Variants in GULP1 observed in about 807,000 individuals in gnomAD.
GULP1 encodes the protein PTB domain-containing engulfment adapter protein 1.
In GULP1, 19 loss-of-function variants were observed where a neutral mutation model predicts 40.9. That is an observed-to-expected ratio of 0.46 (90% CI 0.32 to 0.68). The LOEUF (loss-of-function observed/expected upper bound fraction) is 0.68, where lower values mean the gene tolerates loss of function less well. Among genes scored for constraint, GULP1 ranks in the 30% least tolerant of loss-of-function variants. The pLI is 0.03. For synonymous variants in GULP1, 119 were observed against 117.6 expected (o/e 1.01, Z -0.08); for missense variants, 312 against 362.2 (o/e 0.86, Z 1.12).
intron 1 of GULP1, among the ~76,000 whole-genome samples, chr2:188,323,156 C>T (rs988218484): frequency 2.0e-5 from 3 of 151,986 alleles, no homozygotes; most frequent in Non-Finnish European, 2.9e-5. Context: ...TCACATTTTG[C>T]CTCTCACCTT....
At chr2:188,427,265 T>G (rs1335784253) in intron 2 of GULP1, among the ~76,000 whole-genome samples, 7 of 152,228 alleles carry the variant, frequency 4.6e-5, no homozygotes, top group Admixed American at 4.6e-4. Context: ...CCTGGTCATC[T>G]GCTGTCTAAG....
chr2:188,503,874 A>G (rs1239318318), intron 4 of GULP1, among the ~76,000 whole-genome samples: 1 of 151,900 alleles, frequency 6.6e-6, no homozygotes, highest in Non-Finnish European at 1.5e-5. Flanking sequence ...TGTACTGAAA[A>G]ACTTTAGTAA....
rs549366592 is a variant in GULP1, at chr2:188,383,100, T to C, written c.-171-663T>C. On this transcript the variant is annotated intron_variant, in intron 1 of 11. Coordinates refer to ENST00000409830, the MANE Select transcript of GULP1 (RefSeq NM_016315.4). ...TTTAGTGTTTTGGCAAAAGATACTATGCTGTGAATTCTGGTACTATTTGAA... is the reference window on the plus strand; with the variant it reads ...TTTAGTGTTTTGGCAAAAGATACTACGCTGTGAATTCTGGTACTATTTGAA... Among the ~76,000 whole-genome samples the C allele has an allele frequency of 1.4e-3, 212 of 152,306 alleles. 2 individuals are homozygous for C. The highest frequency in any genetic ancestry group is 2.4e-3 in the Non-Finnish European group (160 of 68,026).
intron 2 of GULP1, among the ~76,000 whole-genome samples, chr2:188,387,370 A>C (rs1439122514): frequency 6.6e-6 from 1 of 152,218 alleles, no homozygotes; most frequent in African/African-American, 2.4e-5. Context: ...CTTATCAAGC[A>C]CTGTGATTAG....
chr2:188,362,799 C>T (rs1367223186), intron 1 of GULP1, among the ~76,000 whole-genome samples: 2 of 151,854 alleles, frequency 1.3e-5, no homozygotes, highest in Non-Finnish European at 2.9e-5. Context: ...TCATACTGGC[C>T]AAGAGAGTAA....
chr2:188,335,265 G>T (rs2042112841), intron 1 of GULP1, among the ~76,000 whole-genome samples: 1 of 152,092 alleles, frequency 6.6e-6, no homozygotes, highest in South Asian at 2.1e-4. Context: ...TTGGCAGGGG[G>T]GAAGAGACTT....
chr2:188,377,123 G>T (rs1274433854), intron 1 of GULP1, among the ~76,000 whole-genome samples: 1 of 151,236 alleles, frequency 6.6e-6, no homozygotes, highest in Non-Finnish European at 1.5e-5. Flanking sequence ...GGTGAGCCGA[G>T]ATTGCACCAC....
chr2:188,536,684 T>C (rs777832797), intron 6 of GULP1, among the ~76,000 whole-genome samples: 1 of 152,176 alleles, frequency 6.6e-6, no homozygotes, highest in Non-Finnish European at 1.5e-5. Context: ...TGGTTTCATA[T>C]GCAGTTTAGA....
At chr2:188,486,659 T>G (rs1559297158) in intron 4 of GULP1, among the ~76,000 whole-genome samples, 1 of 151,998 alleles carries the variant, frequency 6.6e-6, no homozygotes, top group Non-Finnish European at 1.5e-5. Context: ...CATTTAATAT[T>G]CATAGTGTAA....
chr2:188,308,786 G>A (rs771423893), intron 1 of GULP1, among the ~76,000 whole-genome samples: 1 of 152,150 alleles, frequency 6.6e-6, no homozygotes, highest in Non-Finnish European at 1.5e-5. Context: ...ATTATTCAGA[G>A]ATTATTTGGC....
chr2:188,303,099 G>C (rs996110678), intron 1 of GULP1, among the ~76,000 whole-genome samples: 4 of 152,022 alleles, frequency 2.6e-5, no homozygotes, highest in Non-Finnish European at 4.4e-5. Context: ...TAAAACTCTA[G>C]TTCACTGGAA....
chr2:188,471,216 C>T (rs897540389), intron 2 of GULP1, among the ~76,000 whole-genome samples: 10 of 151,888 alleles, frequency 6.6e-5, no homozygotes, highest in African/African-American at 2.4e-4. Context: ...ACCTTTATAC[C>T]TTTATTATCA....
At chr2:188,508,950 A>G (rs1316368647) in intron 4 of GULP1, among the ~76,000 whole-genome samples, 1 of 151,978 alleles carries the variant, frequency 6.6e-6, no homozygotes, top group Non-Finnish European at 1.5e-5. Context: ...ATAAACTAAT[A>G]AGCTGCAGTT....
At chr2:188,495,149 A>G (rs192134413) in intron 4 of GULP1, among the ~76,000 whole-genome samples, 119 of 152,178 alleles carry the variant, frequency 7.8e-4, no homozygotes, top group African/African-American at 2.7e-3. Flanking sequence ...CCCTAACACT[A>G]TGACTAATAC....
At chr2:188,525,090 T>C (rs920244557) in intron 5 of GULP1, among the ~76,000 whole-genome samples, 2 of 151,984 alleles carry the variant, frequency 1.3e-5, no homozygotes, top group African/African-American at 4.8e-5. Context: ...CTTTCTATCA[T>C]TTTTTAGAGA....
rs1040858159 is a variant in GULP1 at position 188,493,861 on chromosome 2, G to A, written c.90+10369G>A. 4.6e-5 allele frequency among the ~76,000 whole-genome samples: 7 copies of A among 152,118 alleles called. No individual in the cohort carries two copies. In the Middle Eastern group the frequency reaches 0.01, roughly 222 times the overall value. The stretch of plus-strand genomic sequence containing the variant: ...TCTCCTTCAGTTTTCATTGGGTTGC[G>A]TCAGTTCTCAGACTCTTCCTACTGG... On this transcript the variant is annotated intron_variant, in intron 4 of 11. Coordinates refer to ENST00000409830, the MANE Select transcript of GULP1 (RefSeq NM_016315.4).
intron 3 of GULP1, among the ~76,000 whole-genome samples, chr2:188,479,759 G>A (rs533301430): frequency 3.4e-4 from 52 of 152,150 alleles, no homozygotes; most frequent in African/African-American, 1.2e-3. Context: ...TTTGAAGGGG[G>A]TTTAGAATGG....
At chr2:188,564,674 T>C (rs992086681) in intron 7 of GULP1, among the ~76,000 whole-genome samples, 1 of 151,952 alleles carries the variant, frequency 6.6e-6, no homozygotes, top group Non-Finnish European at 1.5e-5. Flanking sequence ...AATACAATTC[T>C]GATTAAAATC....
intron 9 of GULP1, 79 bp downstream of exon 9, chr2:188,570,199 A>G: frequency 3.0e-6 from 2 of 671,472 alleles, no homozygotes; most frequent in Non-Finnish European, 5.3e-6. Flanking sequence ...GCAATATTTC[A>G]TATAATACTT....
Sources: gnomAD v4.1 joint callset for allele counts (sites outside exome capture counted in the v4.1 genomes callset) on GRCh38, gnomAD v4.1.1 for gene constraint, MANE v1.5 for transcripts, NCBI Gene and HGNC (gene_info 2026-07-23, HGNC 2026-07-21) for gene names.